USF3: variants seen among roughly 807,000 people sequenced by gnomAD.
The protein encoded by USF3 is upstream transcription factor family member 3.
USF3 carries 29 observed loss-of-function variants against 157.5 expected under a neutral mutation model. The ratio of observed to expected loss-of-function variants is 0.18; its 90% CI spans 0.14 to 0.25. The LOEUF is 0.25. USF3 is among the 10% of genes least tolerant of loss of function. USF3 has a pLI of 1.00. For missense variants in USF3, 2,381 were observed against 2,667.6 expected, an observed-to-expected ratio of 0.89 and a Z score of 2.37; for synonymous variants, 893 against 941.4, an observed-to-expected ratio of 0.95 and a Z score of 0.94.
chr3:113,660,953 T>A lies in USF3; in HGVS notation c.729A>T (p.Glu243Asp). ...TGGCACCAAGCACATTTGATTCGCT[T>A]TCAGAGGTGGGAAGCTCGAGAATAC... ...AQSILELPTSESESNVLGATS... is the reference protein window; with the variant it reads ...AQSILELPTSDSESNVLGATS... Residue 243 changes from glutamate to aspartate, a missense_variant, in exon 7 of 7, where the codon GAA becomes GAT. Glu to Asp is a conservative substitution (Grantham distance 45). Transcript: ENST00000316407. The A allele has an allele frequency of 6.2e-7, 1 of 1,614,160 alleles. No homozygotes were observed. Among genetic ancestry groups the A allele is most frequent in the Non-Finnish European group, 8.5e-7 (1 of 1,180,034 alleles).
At chr3:113,670,000 A>G (rs907898656) in intron 5 of USF3, 121 bp downstream of exon 5, 2 of 645,216 alleles carry the variant, frequency 3.1e-6, no homozygotes, top group African/African-American at 1.8e-5. Context: ...GGCAATTATT[A>G]ACTTCAAAAG....
chr3:113,696,188 C>A (rs1707794431), intron 1 of USF3, among the ~76,000 whole-genome samples, 182 bp downstream of exon 1: 1 of 152,186 alleles, frequency 6.6e-6, no homozygotes, highest in Admixed American at 6.5e-5. Flanking sequence ...GCGCTGACGC[C>A]CCACCAGGTG....
intron 6 of USF3, among the ~76,000 whole-genome samples, chr3:113,663,982 C>A (rs1265339271): frequency 1.3e-5 from 2 of 152,168 alleles, no homozygotes; most frequent in Non-Finnish European, 2.9e-5. Flanking sequence ...CCCCTTACAT[C>A]TTCTTATGGG....
In USF3 at chr3:113,658,210, T is replaced by G; in HGVS notation, c.3472A>C (p.Arg1158=). ...TCAGAAGGCTTTGAAGCAACTTCCC[T>G]TATATCAGCCTGGAGGCCAACTCTC... ...KGRVGLQADI[R]EVASKPSEAS... Residue 1158 remains arginine (R), a synonymous_variant, in exon 7 of 7, where the codon AGG becomes CGG. Transcript: ENST00000316407. The G allele has an allele frequency of 3.1e-6, 5 of 1,614,200 alleles. No individual in the cohort carries two copies. Among genetic ancestry groups the G allele is most frequent in the Non-Finnish European group, 4.2e-6 (5 of 1,180,026 alleles).
chr3:113,686,537 C>T (rs1707549746), intron 1 of USF3, among the ~76,000 whole-genome samples: 1 of 152,220 alleles, frequency 6.6e-6, no homozygotes, highest in African/African-American at 2.4e-5. Flanking sequence ...CAATCCTCCA[C>T]CTCCACCTCC....
At chr3:113,695,304 AT>A (rs1707774690) in intron 1 of USF3, among the ~76,000 whole-genome samples, 2 of 152,342 alleles carry the variant, frequency 1.3e-5, no homozygotes, top group South Asian at 4.1e-4. Context: ...ACTCTGTACT[AT>A]GTTAAACAAG....
In USF3 at chr3:113,657,691, C is replaced by T; in HGVS notation, c.3991G>A (p.Ala1331Thr). The change falls in exon 7 of 7, where the codon GCT becomes ACT. Residue 1331 changes from alanine to threonine, a missense_variant. This residue lies in a region of USF3 where 1,435 missense variants were observed against 1,550.9 expected (regional missense o/e 0.93). Coordinates refer to ENST00000316407, the MANE Select transcript of USF3 (RefSeq NM_001009899.4). ...GACAGTAAAAGGTCATCTTGGACAGCACGCTTAGCAGAATCCTTACGGCTT... is the reference window on the plus strand; with the variant it reads ...GACAGTAAAAGGTCATCTTGGACAGTACGCTTAGCAGAATCCTTACGGCTT... ...HESRKDSAKRAVQDDLLLSSA... is the reference protein window; with the variant it reads ...HESRKDSAKRTVQDDLLLSSA... The T allele has an allele frequency of 6.2e-7, 1 of 1,614,188 alleles. No individual in the cohort carries two copies. The highest frequency in any genetic ancestry group is 8.5e-7 in the Non-Finnish European group (1 of 1,180,036).
At chr3:113,671,158 C>T (rs1707146027) in intron 4 of USF3, among the ~76,000 whole-genome samples, 1 of 152,170 alleles carries the variant, frequency 6.6e-6, no homozygotes, top group South Asian at 2.1e-4. Flanking sequence ...CAAGTAATCA[C>T]TAGAGATTTT....
intron 4 of USF3, among the ~76,000 whole-genome samples, chr3:113,670,640 G>A (rs1029087486): frequency 4.0e-5 from 6 of 151,850 alleles, no homozygotes; most frequent in African/African-American, 1.5e-4. Context: ...AGCGGAAGGG[G>A]AAGGGGAAGG....
At position 113,656,180 on chromosome 3, in the gene USF3, C is replaced by T; in HGVS notation, c.5502G>A (p.Gly1834=). The T allele has an allele frequency of 6.2e-7, 1 of 1,614,130 alleles. No individual in the cohort carries two copies. Among genetic ancestry groups the T allele is most frequent in the Non-Finnish European group, 8.5e-7 (1 of 1,180,018 alleles). Residue 1834 remains glycine (G), a synonymous_variant, in exon 7 of 7, where the codon GGG becomes GGA. Coordinates refer to ENST00000316407, the MANE Select transcript of USF3 (RefSeq NM_001009899.4). ...LAPHLSDQVI[G]SQRSLSEHQR... is the part of the protein sequence containing the mutation. ...GATGTTCTGAGAGTGACCTCTGGCT[C>T]CCAATGACCTGATCACTGAGGTGAG...
chr3:113,685,667 T>C (rs1707531343), intron 1 of USF3, among the ~76,000 whole-genome samples: 1 of 152,026 alleles, frequency 6.6e-6, no homozygotes, highest in Non-Finnish European at 1.5e-5. Flanking sequence ...ATGAGCACAG[T>C]TTTGGTTCTT....
intron 5 of USF3, among the ~76,000 whole-genome samples, chr3:113,667,023 C>T (rs895554065): frequency 5.3e-5 from 8 of 152,274 alleles, no homozygotes; most frequent in African/African-American, 1.4e-4. Context: ...TTAACCTCTA[C>T]TCCAGGATAT....
chr3:113,668,271 C>G (rs1012737863), intron 5 of USF3, among the ~76,000 whole-genome samples: 3 of 152,006 alleles, frequency 2.0e-5, no homozygotes, highest in Admixed American at 6.6e-5. Context: ...GTGGACAAGA[C>G]GAGGGTCCTA....
intron 1 of USF3, among the ~76,000 whole-genome samples, chr3:113,681,472 G>A (rs1269784412): frequency 6.6e-6 from 1 of 151,108 alleles, no homozygotes; most frequent in Non-Finnish European, 1.5e-5. Context: ...AGTTTCCAAA[G>A]TTTCTCTTAT....
rs1314507495 is a variant in USF3 at position 113,660,399 on chromosome 3, T to C, written c.1283A>G (p.Asn428Ser). Residue 428 changes from asparagine (N) to serine (S), a missense_variant, in exon 7 of 7, where the codon AAC (asparagine) becomes AGC (serine). Asn to Ser is a conservative substitution (Grantham distance 46). Around this residue, in one of 6 missense-constraint regions of USF3, gnomAD observed 1,435 missense variants for 1,550.9 expected, o/e 0.93. Coordinates refer to ENST00000316407, the MANE Select transcript of USF3 (RefSeq NM_001009899.4). ...NSLTRISSAGNTQTTWTTLQL... is the reference protein window; with the variant it reads ...NSLTRISSAGSTQTTWTTLQL... Reference sequence around the variant, plus strand: ...CAAAGTAGTCCACGTTGTCTGTGTGTTTCCAGCTGAAGAGATTCGTGTAAG... The same window carrying C: ...CAAAGTAGTCCACGTTGTCTGTGTGCTTCCAGCTGAAGAGATTCGTGTAAG... The C allele has an allele frequency of 1.9e-6, 3 of 1,614,108 alleles. No homozygotes were observed. The highest frequency in any genetic ancestry group is 1.3e-5 in the African/African-American group (1 of 74,938).
rs951654522 is a variant in USF3 at position 113,659,635 on chromosome 3, T to C, written c.2047A>G (p.Thr683Ala). Residue 683 changes from threonine (T) to alanine (A), a missense_variant, in exon 7 of 7, where the codon ACA (threonine) becomes GCA (alanine). Physicochemically the swap from Thr to Ala is moderately conservative, Grantham distance 58. Coordinates refer to ENST00000316407, the MANE Select transcript of USF3 (RefSeq NM_001009899.4). ...ATAATTTGCATAGGGGTTTGATTTG[T>C]AGTTCCTGATGAAGACATCACAGGC... ...LQPVMSSSGT[T>A]NQTPMQIIQP... 3.1e-6 allele frequency: 5 copies of C among 1,614,234 alleles called. No individual in the cohort carries two copies. The Middle Eastern group carries it at 4.9e-4, about 160-fold the overall frequency.
rs10934239 is a variant in USF3, at chr3:113,649,636, C to T, written c.*5308G>A. 4,919 of 510,236 alleles carry T rather than the reference C, an allele frequency of 9.6e-3. 115 individuals carry two copies. The highest frequency in any genetic ancestry group is 0.053 in the African/African-American group (2,722 of 51,332). 31.6% of individuals were successfully genotyped at this position (510,236 alleles called of 1,614,324 possible). ...ACACAGCGTGTACCATCCCAGCTGG[C>T]CCTTTGCTATAACAGAGGAGTGGGT... On this transcript the variant is annotated 3_prime_UTR_variant, in exon 7 of 7. Coordinates refer to ENST00000316407, the MANE Select transcript of USF3 (RefSeq NM_001009899.4).
intron 1 of USF3, among the ~76,000 whole-genome samples, chr3:113,689,423 T>A (rs900096915): frequency 3.9e-5 from 6 of 152,234 alleles, no homozygotes; most frequent in Non-Finnish European, 7.3e-5. Flanking sequence ...GTTCCTTAAC[T>A]GGATTCTACA....
chr3:113,664,049 A>G (rs890761608), intron 6 of USF3, among the ~76,000 whole-genome samples: 9 of 152,224 alleles, frequency 5.9e-5, no homozygotes, highest in African/African-American at 1.9e-4. Context: ...TACTAGTATC[A>G]TGAGTTAGGC....
Sources: gnomAD v4.1 joint callset for allele counts (sites outside exome capture counted in the v4.1 genomes callset) on GRCh38, gnomAD v4.1.1 for gene constraint, gnomAD v4.1.1 regional missense constraint, MANE v1.5 for transcripts, NCBI Gene and HGNC (gene_info 2026-07-23, HGNC 2026-07-21) for gene names.